Variants in LRRC4C observed in about 807,000 individuals in gnomAD.
LRRC4C encodes the protein leucine-rich repeat-containing protein 4C.
LRRC4C carries 5 observed loss-of-function variants against 33.6 expected under a neutral mutation model. The observed-to-expected ratio is 0.15, with a 90% CI of 0.08 to 0.31. LRRC4C has a LOEUF of 0.31. Among genes scored for constraint, LRRC4C ranks in the 10% least tolerant of loss-of-function variants. The pLI is 1.00. For synonymous variants in LRRC4C, 329 were observed against 302.0 expected (o/e 1.09, Z -0.93); for missense variants, 560 against 796.7 (o/e 0.70, Z 3.58).
At chr11:41,429,716 A>G (rs1506712) in intron 1 of LRRC4C, among the ~76,000 whole-genome samples, 63,183 of 152,066 alleles carry the variant, frequency 0.42, 13,504 homozygotes, top group Middle Eastern at 0.49. Flanking sequence ...ACTATGAAAG[A>G]CATACTCTGC....
chr11:40,510,694 G>A (rs1196225874), intron 3 of LRRC4C, among the ~76,000 whole-genome samples: 1 of 152,252 alleles, frequency 6.6e-6, no homozygotes, highest in South Asian at 2.1e-4. Flanking sequence ...CACAATGTGA[G>A]TGCTTGAAAT....
rs139639660 is a variant in LRRC4C, at chr11:40,806,864, G to A, written c.-407+126771C>T. 2.4e-4 allele frequency among the ~76,000 whole-genome samples: 36 copies of A among 152,130 alleles called. No homozygotes were observed. The East Asian group carries it at 6.8e-3, about 29-fold the overall frequency. ...TTCCTGATGTCTGCTAGGAGACAGCGTATAGCCAGTCTTGAATTAAAAATG... is the reference window on the plus strand; with the variant it reads ...TTCCTGATGTCTGCTAGGAGACAGCATATAGCCAGTCTTGAATTAAAAATG... On this transcript the variant is annotated intron_variant, in intron 2 of 6. Coordinates refer to ENST00000528697, the MANE Select transcript of LRRC4C (RefSeq NM_001258419.2).
chr11:41,376,427 A>G (rs1952938511), intron 1 of LRRC4C, among the ~76,000 whole-genome samples: 1 of 152,228 alleles, frequency 6.6e-6, no homozygotes, highest in African/African-American at 2.4e-5. Context: ...GCTCTACAAA[A>G]GTAGATCATC....
At chr11:41,437,104 C>A (rs1349540938) in intron 1 of LRRC4C, among the ~76,000 whole-genome samples, 1 of 152,126 alleles carries the variant, frequency 6.6e-6, no homozygotes, top group Non-Finnish European at 1.5e-5. Flanking sequence ...AAATACAAGC[C>A]CTAGCTGTGC....
At chr11:40,397,255 G>A (rs1026336135) in intron 3 of LRRC4C, among the ~76,000 whole-genome samples, 2 of 152,016 alleles carry the variant, frequency 1.3e-5, no homozygotes, top group Non-Finnish European at 2.9e-5. Flanking sequence ...TGTTCCTAAT[G>A]TTTTGACGAA....
At chr11:40,652,075 G>T (rs554095937) in intron 2 of LRRC4C, among the ~76,000 whole-genome samples, 1 of 152,122 alleles carries the variant, frequency 6.6e-6, no homozygotes, top group Non-Finnish European at 1.5e-5. Context: ...AGGCTTAGCA[G>T]GGTCTCATTA....
chr11:40,127,283 C>CAAAGAAA (rs753390319), intron 6 of LRRC4C, among the ~76,000 whole-genome samples: 1 of 141,008 alleles, frequency 7.1e-6, no homozygotes. Flanking sequence ...TCAAAAAAAG[C>CAAAGAAA]AAAAAAAAAA....
intron 5 of LRRC4C, among the ~76,000 whole-genome samples, chr11:40,230,279 T>C (rs1865107916): frequency 6.6e-6 from 1 of 152,254 alleles, no homozygotes; most frequent in African/African-American, 2.4e-5. Context: ...AACAAAGTGA[T>C]AGCTTTTGAT....
At chr11:40,693,492 G>T (rs1945326728) in intron 2 of LRRC4C, among the ~76,000 whole-genome samples, 1 of 152,016 alleles carries the variant, frequency 6.6e-6, no homozygotes. Flanking sequence ...TGAGGGCCGG[G>T]CTCTGCAGGG....
In LRRC4C at chr11:40,416,666, C is replaced by T. The variant is rs574775062; in HGVS notation, c.-269-96945G>A. On this transcript the variant is annotated intron_variant, in intron 3 of 6. Coordinates refer to ENST00000528697, the MANE Select transcript of LRRC4C (RefSeq NM_001258419.2). The stretch of plus-strand genomic sequence containing the variant: ...GGCACTAAGTGACTTGCTGACATTA[C>T]CTTTTTGGTCCTCCCAACAATAAGG... Among the ~76,000 whole-genome samples, 13 of 152,278 alleles carry T rather than the reference C, an allele frequency of 8.5e-5. No homozygotes were observed. In the South Asian group the frequency reaches 1.7e-3, roughly 19 times the overall value.
chr11:40,279,896 T>G (rs947992189), intron 4 of LRRC4C, among the ~76,000 whole-genome samples: 14 of 152,316 alleles, frequency 9.2e-5, no homozygotes, highest in Non-Finnish European at 1.2e-4. Context: ...TATAATTTCA[T>G]TTTAAAATCT....
intron 1 of LRRC4C, among the ~76,000 whole-genome samples, chr11:41,336,821 A>G (rs1017226181): frequency 1.3e-5 from 2 of 152,180 alleles, no homozygotes; most frequent in Admixed American, 6.5e-5. Context: ...CATTTACTCA[A>G]CATGACTTTT....
At chr11:40,437,923 G>T (rs1187728898) in intron 3 of LRRC4C, among the ~76,000 whole-genome samples, 1 of 152,170 alleles carries the variant, frequency 6.6e-6, no homozygotes, top group East Asian at 1.9e-4. Context: ...GGCCAGGATG[G>T]TCTCGATCTC....
chr11:41,083,946 T>C (rs532146344), intron 1 of LRRC4C, among the ~76,000 whole-genome samples: 3 of 152,360 alleles, frequency 2.0e-5, no homozygotes, highest in South Asian at 2.1e-4. Flanking sequence ...ATTTGCAAGA[T>C]TGTAAACTGC....
At chr11:40,551,350 AT>A (rs34458657) in intron 3 of LRRC4C, among the ~76,000 whole-genome samples, 1 of 151,736 alleles carries the variant, frequency 6.6e-6, no homozygotes, top group Admixed American at 6.6e-5. Context: ...ATTTCAAGGA[AT>A]TTTTCCTGTT....
rs181154732 is a variant in LRRC4C at position 40,340,823 on chromosome 11, T to C, written c.-269-21102A>G. On this transcript the variant is annotated intron_variant, in intron 3 of 6. Coordinates refer to ENST00000528697, the MANE Select transcript of LRRC4C (RefSeq NM_001258419.2). ...TAAAGACAAAGGGATATGTCTCTTC[T>C]AAATGCAGAGGAGCAAATAAAAAAA... Among the ~76,000 whole-genome samples the C allele has an allele frequency of 9.0e-3, 1,369 of 152,276 alleles. 20 individuals carry two copies. The highest frequency in any genetic ancestry group is 0.032 in the African/African-American group (1,320 of 41,558).
chr11:40,871,496 G>A (rs1280202667), intron 2 of LRRC4C, among the ~76,000 whole-genome samples: 5 of 152,148 alleles, frequency 3.3e-5, no homozygotes, highest in East Asian at 3.9e-4. Context: ...AAGAACCTAC[G>A]TGACTATTGT....
At chr11:40,770,861 G>A (rs138212693) in intron 2 of LRRC4C, among the ~76,000 whole-genome samples, 2,621 of 152,220 alleles carry the variant, frequency 0.017, 79 homozygotes, top group African/African-American at 0.059. Context: ...GGCTCCCATG[G>A]CCTTGGGCAG....
chr11:40,692,444 G>A (rs1446647971), intron 2 of LRRC4C, among the ~76,000 whole-genome samples: 2 of 151,984 alleles, frequency 1.3e-5, no homozygotes, highest in Non-Finnish European at 2.9e-5. Context: ...TTGTAGTTCT[G>A]TTTTTCTGAA....
Sources: allele counts gnomAD v4.1 joint callset (sites outside exome capture counted in the v4.1 genomes callset), GRCh38; gene constraint gnomAD v4.1.1; transcripts MANE v1.5; gene names NCBI Gene and HGNC (gene_info 2026-07-23, HGNC 2026-07-21).